The following IL15 variants were observed in gnomAD, a reference collection of about 807,000 sequenced individuals.
IL15 encodes the protein interleukin-15.
In IL15, 11 loss-of-function variants were observed where a neutral mutation model predicts 19.6. The ratio of observed to expected loss-of-function variants is 0.56; its 90% CI spans 0.35 to 0.93. IL15 has a LOEUF of 0.93. Among genes scored for constraint, IL15 ranks in the 40% least tolerant of loss-of-function variants. IL15 has a pLI of 0.01. For synonymous variants in IL15, 58 were observed against 59.6 expected (o/e 0.97, Z 0.12); for missense variants, 197 against 186.5 (o/e 1.06, Z -0.33).
intron 2 of IL15, among the ~76,000 whole-genome samples, chr4:141,698,779 C>A (rs555000670): frequency 1.3e-5 from 2 of 151,984 alleles, no homozygotes; most frequent in South Asian, 4.2e-4. Context: ...TTTCAAAGAA[C>A]CAGCTTTTTG....
Position 141,667,879 on chromosome 4 carries a change from G to A in IL15, c.-100+11572G>A, listed in dbSNP as rs544047217. ...ATAAATAAGCATGAACATCACTGTC[G>A]TCATCTACCATTAGTGAGCTTATTT... On this transcript the variant is annotated intron_variant, in intron 2 of 7. Transcript: ENST00000320650. 5.9e-5 allele frequency among the ~76,000 whole-genome samples: 9 copies of A among 152,120 alleles called. No homozygotes were observed. In the Middle Eastern group the frequency reaches 0.017, roughly 289 times the overall value.
intron 2 of IL15, among the ~76,000 whole-genome samples, chr4:141,677,303 A>G (rs1220103374): frequency 6.6e-6 from 1 of 152,058 alleles, no homozygotes; most frequent in Non-Finnish European, 1.5e-5. Context: ...ATGATGATCC[A>G]CTTCCACTTA....
At chr4:141,639,341 G>A (rs114432475) in intron 1 of IL15, among the ~76,000 whole-genome samples, 1 of 152,154 alleles carries the variant, frequency 6.6e-6, no homozygotes, top group African/African-American at 2.4e-5. Context: ...AGTAATGTTT[G>A]TATGGTACTT....
At chr4:141,715,542 T>G (rs947728798) in intron 2 of IL15, 1 of 152,228 alleles carries the variant, frequency 6.6e-6, no homozygotes, top group Non-Finnish European at 1.5e-5. Flanking sequence ...TTCTATATGG[T>G]TCATCTTTCT....
chr4:141,690,264 G>A (rs141653861), intron 2 of IL15, among the ~76,000 whole-genome samples: 1,805 of 152,308 alleles, frequency 0.012, 21 homozygotes, highest in Non-Finnish European at 0.018. Context: ...TGCAAGCTGA[G>A]GGAGCTGGCT....
intron 2 of IL15, among the ~76,000 whole-genome samples, chr4:141,664,691 T>G (rs1224708341): frequency 6.6e-6 from 1 of 152,180 alleles, no homozygotes; most frequent in Non-Finnish European, 1.5e-5. Flanking sequence ...TATTTCTAAA[T>G]TTGCTTGCGT....
rs1172950731 is a variant in IL15, at chr4:141,732,903, C to T, written c.*55C>T. Reference sequence around the variant, plus strand: ...GTTATTAACAAACATCACTCTGCTGCTTAGACATAACAAAACACTCGGCAT... The same window carrying T: ...GTTATTAACAAACATCACTCTGCTGTTTAGACATAACAAAACACTCGGCAT... On this transcript the variant is annotated 3_prime_UTR_variant, in exon 8 of 8. Coordinates refer to ENST00000320650, the MANE Select transcript of IL15 (RefSeq NM_000585.5). 1.9e-6 allele frequency: 3 copies of T among 1,568,878 alleles called. No individual in the cohort carries two copies. Among genetic ancestry groups the T allele is most frequent in the East Asian group, 2.3e-5 (1 of 43,606 alleles).
At chr4:141,666,116 T>TTTA (rs1560908816) in intron 2 of IL15, among the ~76,000 whole-genome samples, 1 of 25,560 alleles carries the variant, frequency 3.9e-5, no homozygotes, top group African/African-American at 1.5e-4. Context: ...TTATTTATTT[T>TTTA]TTGAGACGGA....
At position 141,678,135 on chromosome 4, in the gene IL15, A is replaced by C. The variant is rs189580867; in HGVS notation, c.-100+21828A>C. 1.3e-3 allele frequency among the ~76,000 whole-genome samples: 200 copies of C among 152,332 alleles called. 1 individual carries two copies. The highest frequency in any genetic ancestry group is 2.2e-3 in the Non-Finnish European group (149 of 68,036). ...TCAGAGGTCTCCAGCACAGTTTTAC[A>C]TGCACACTGGTCCTGTAAAATAGGA... is the stretch of plus-strand genomic sequence containing the variant. On this transcript the variant is annotated intron_variant, in intron 2 of 7. Coordinates refer to ENST00000320650, the MANE Select transcript of IL15 (RefSeq NM_000585.5).
chr4:141,726,041 C>T (rs944856898), intron 5 of IL15, among the ~76,000 whole-genome samples: 4 of 151,968 alleles, frequency 2.6e-5, no homozygotes, highest in Non-Finnish European at 4.4e-5. Flanking sequence ...GTTCCCTTTC[C>T]GTAATAACAC....
intron 1 of IL15, among the ~76,000 whole-genome samples, chr4:141,651,174 T>C (rs575885173): frequency 4.7e-4 from 71 of 151,654 alleles, no homozygotes; most frequent in African/African-American, 1.6e-3. Context: ...TATATATATA[T>C]ACACACACAC....
At position 141,710,612 on chromosome 4, in the gene IL15, A is replaced by G. The variant is rs564008322; in HGVS notation, c.-99-8754A>G. On this transcript the variant is annotated intron_variant, in intron 2 of 7. Coordinates refer to ENST00000320650, the MANE Select transcript of IL15 (RefSeq NM_000585.5). ...AGTGAATGATTACTGGTATGTTTAG[A>G]CTTACTACTGCCACATTGTTTTTTC... is the stretch of plus-strand genomic sequence containing the variant. Among the ~76,000 whole-genome samples, 9 of 152,134 alleles carry G rather than the reference A, an allele frequency of 5.9e-5. No homozygotes were observed. In the East Asian group the frequency reaches 1.7e-3, roughly 29 times the overall value.
At chr4:141,729,817 G>T in intron 6 of IL15, 30 bp from the exon 7 acceptor site, 1 of 1,286,668 alleles carries the variant, frequency 7.8e-7, no homozygotes, top group East Asian at 2.3e-5. Flanking sequence ...TCAGAAAAAA[G>T]TAATTGTTCT....
chr4:141,679,180 C>T (rs547648128), intron 2 of IL15, among the ~76,000 whole-genome samples: 1 of 152,102 alleles, frequency 6.6e-6, no homozygotes, highest in African/African-American at 2.4e-5. Flanking sequence ...TAATTTGGGA[C>T]AAGTCACTAG....
chr4:141,645,073 AC>A (rs1375756722), intron 1 of IL15, among the ~76,000 whole-genome samples: 1 of 152,010 alleles, frequency 6.6e-6, no homozygotes, highest in Non-Finnish European at 1.5e-5. Context: ...TAATTTAGAG[AC>A]CTTTTATATA....
chr4:141,643,707 C>T (rs1203983445), intron 1 of IL15, among the ~76,000 whole-genome samples: 1 of 151,992 alleles, frequency 6.6e-6, no homozygotes, highest in Non-Finnish European at 1.5e-5. Context: ...AGGGCTCAGT[C>T]CTTAGGCCTG....
chr4:141,711,755 T>G (rs1320232519), intron 2 of IL15, among the ~76,000 whole-genome samples: 5 of 152,124 alleles, frequency 3.3e-5, no homozygotes, highest in South Asian at 2.1e-4. Flanking sequence ...TGGAATGCAT[T>G]TTTTACTTAA....
intron 2 of IL15, among the ~76,000 whole-genome samples, chr4:141,659,065 G>A (rs1008968539): frequency 1.3e-5 from 2 of 151,952 alleles, no homozygotes; most frequent in African/African-American, 4.8e-5. Context: ...GTTTCACCAT[G>A]GTCTCGATCT....
intron 4 of IL15, 45 bp from the exon 5 acceptor site, chr4:141,721,879 G>T (rs748011058): frequency 1.3e-5 from 19 of 1,494,658 alleles, no homozygotes; most frequent in Non-Finnish European, 9.1e-7. Context: ...TCATCAAGAT[G>T]AATAGGCTCC....
Sources: allele counts gnomAD v4.1 joint callset (sites outside exome capture counted in the v4.1 genomes callset), GRCh38; gene constraint gnomAD v4.1.1; transcripts MANE v1.5; gene names NCBI Gene and HGNC (gene_info 2026-07-23, HGNC 2026-07-21).